Variants in RALGAPA2 observed in about 807,000 individuals in gnomAD.
RALGAPA2 encodes the protein ral GTPase-activating protein subunit alpha-2.
RALGAPA2 carries 139 observed loss-of-function variants against 230.4 expected under a neutral mutation model. That is an observed-to-expected ratio of 0.60 (90% CI 0.53 to 0.69). The LOEUF (loss-of-function observed/expected upper bound fraction) is 0.69, where lower values mean the gene tolerates loss of function less well. Ranked by LOEUF, RALGAPA2 falls within the 30% of genes least tolerant of loss-of-function variation. The probability of loss-of-function intolerance (pLI) is 0.00; values close to 1 mark genes in which losing one functional copy is unlikely to be tolerated. For missense variants in RALGAPA2, 2,163 were observed against 2,276.0 expected (o/e 0.95, Z 1.01); for synonymous variants, 847 against 837.8 (o/e 1.01, Z -0.19).
intron 1 of RALGAPA2, among the ~76,000 whole-genome samples, chr20:20,709,041 G>A (rs867092104): frequency 1.9e-4 from 29 of 151,978 alleles, no homozygotes; most frequent in African/African-American, 2.4e-4. Context: ...AAATCTGGCC[G>A]GACATGGTGG....
At chr20:20,461,090 A>G (rs2061291096) in intron 37 of RALGAPA2, among the ~76,000 whole-genome samples, 1 of 152,250 alleles carries the variant, frequency 6.6e-6, no homozygotes, top group African/African-American at 2.4e-5. Context: ...ATAGAGCATA[A>G]GTACAAAACC....
At chr20:20,552,113 C>T (rs779649993) in intron 23 of RALGAPA2, among the ~76,000 whole-genome samples, 1 of 152,164 alleles carries the variant, frequency 6.6e-6, no homozygotes, top group Non-Finnish European at 1.5e-5. Context: ...CACAAATGTT[C>T]AAGAAGTAGC....
At chr20:20,574,251 A>G (rs1252501150) in intron 20 of RALGAPA2, among the ~76,000 whole-genome samples, 1 of 152,206 alleles carries the variant, frequency 6.6e-6, no homozygotes, top group East Asian at 1.9e-4. Flanking sequence ...CAATGTGCAA[A>G]TGGGCTGTGC....
Position 20,521,051 on chromosome 20 carries a change from T to C in RALGAPA2, c.3950A>G (p.His1317Arg). The part of the protein sequence containing the change: ...CGSSTYTQQS[H>R]YILTLADLSS... ...CAAGTCAGCCAGGGTCAGTATGTAGTGACTCTGTTGGGTGTACGTGCTTGA... is the reference window on the plus strand; with the variant it reads ...CAAGTCAGCCAGGGTCAGTATGTAGCGACTCTGTTGGGTGTACGTGCTTGA... The change falls in exon 31 of 40, where the codon CAC (histidine) becomes CGC (arginine). Residue 1317 changes from histidine to arginine, a missense_variant. His to Arg is a conservative substitution (Grantham distance 29). Coordinates refer to ENST00000202677, the MANE Select transcript of RALGAPA2 (RefSeq NM_020343.4). 6.2e-7 allele frequency: 1 copy of C among 1,613,876 alleles called. No homozygotes were observed. Among genetic ancestry groups the C allele is most frequent in the Non-Finnish European group, 8.5e-7 (1 of 1,179,806 alleles).
At chr20:20,665,109 T>G (rs1282166900) in intron 3 of RALGAPA2, among the ~76,000 whole-genome samples, 2 of 152,318 alleles carry the variant, frequency 1.3e-5, no homozygotes, top group African/African-American at 2.4e-5. Flanking sequence ...AAAATCAACT[T>G]ACCAAAACTG....
At chr20:20,397,787 C>T (rs944825746) in intron 38 of RALGAPA2, among the ~76,000 whole-genome samples, 1 of 152,216 alleles carries the variant, frequency 6.6e-6, no homozygotes, top group Non-Finnish European at 1.5e-5. Context: ...ACGTGCACTG[C>T]TATGGAGACA....
chr20:20,495,004 T>A, intron 36 of RALGAPA2, 113 bp downstream of exon 36: 1 of 978,412 alleles, frequency 1.0e-6, no homozygotes, highest in Non-Finnish European at 1.5e-6. Context: ...TGTAAGACAT[T>A]CAACAACTGG....
At chr20:20,424,949 T>A (rs1222276160) in intron 37 of RALGAPA2, among the ~76,000 whole-genome samples, 1 of 152,138 alleles carries the variant, frequency 6.6e-6, no homozygotes, top group Non-Finnish European at 1.5e-5. Context: ...GAGAAAAAAA[T>A]ATTATTAAAT....
intron 36 of RALGAPA2, among the ~76,000 whole-genome samples, chr20:20,489,489 T>C (rs2123542352): frequency 6.6e-6 from 1 of 150,858 alleles, no homozygotes; most frequent in African/African-American, 2.4e-5. Flanking sequence ...TATAAAAAAA[T>C]AAGTGTACTT....
intron 37 of RALGAPA2, among the ~76,000 whole-genome samples, chr20:20,466,943 G>A (rs540512201): frequency 5.9e-5 from 9 of 152,208 alleles, no homozygotes; most frequent in Non-Finnish European, 1.3e-4. Context: ...GTGTGACTTT[G>A]CATCGTGTCA....
intron 11 of RALGAPA2, 111 bp from the exon 12 acceptor site, chr20:20,619,525 A>G (rs1303159123): frequency 5.6e-6 from 5 of 894,650 alleles, no homozygotes; most frequent in Middle Eastern, 3.9e-4. Context: ...TTTAGTTGGC[A>G]TATTTAATTC....
intron 32 of RALGAPA2, 137 bp downstream of exon 32, chr20:20,512,376 C>T (rs1222980081): frequency 1.1e-6 from 1 of 914,192 alleles, no homozygotes; most frequent in Non-Finnish European, 1.6e-6. Context: ...AAATAAGCTG[C>T]AAATGTTAAA....
intron 18 of RALGAPA2, among the ~76,000 whole-genome samples, chr20:20,586,041 T>C (rs901045366): frequency 4.6e-5 from 7 of 152,204 alleles, no homozygotes; most frequent in African/African-American, 1.4e-4. Flanking sequence ...AGAAGAATGA[T>C]ACATATCTAA....
intron 4 of RALGAPA2, among the ~76,000 whole-genome samples, chr20:20,645,702 A>C (rs2067189680): frequency 6.6e-6 from 1 of 152,226 alleles, no homozygotes; most frequent in Admixed American, 6.5e-5. Context: ...TCAGATTCAG[A>C]AGCTAGACTG....
intron 28 of RALGAPA2, among the ~76,000 whole-genome samples, chr20:20,525,764 C>T (rs754713858): frequency 3.9e-5 from 6 of 152,164 alleles, no homozygotes; most frequent in Non-Finnish European, 7.3e-5. Flanking sequence ...TTCCTTCCGC[C>T]CCTCTTTCCT....
At chr20:20,462,218 G>A (rs1391373623) in intron 37 of RALGAPA2, among the ~76,000 whole-genome samples, 1 of 152,152 alleles carries the variant, frequency 6.6e-6, no homozygotes, top group Admixed American at 6.5e-5. Context: ...TCAGGTGTAG[G>A]TTTTCTAAGG....
At chr20:20,566,094 G>A (rs1007700188) in intron 23 of RALGAPA2, among the ~76,000 whole-genome samples, 7 of 152,170 alleles carry the variant, frequency 4.6e-5, no homozygotes, top group Non-Finnish European at 1.0e-4. Context: ...TGGTGGTGCC[G>A]GAGCAGAACC....
rs777986820 is a variant in RALGAPA2 at position 20,629,488 on chromosome 20, G to A, written c.1108C>T (p.Arg370Ter). ...CAGAGGCTGGAGTTGCTGAGTCTTC[G>A]GTCCGACAAGGTGCTGCTGTTAGAA... Reference protein sequence around the residue: ...SHSNSSTLSDRRLSNSSLCSI... With the variant: ...SHSNSSTLSD Residue 370 changes from arginine to a stop codon, truncating the protein, a stop_gained, in exon 10 of 40, where the codon CGA (arginine) becomes TGA (stop). Transcript: ENST00000202677. LOFTEE classifies it high-confidence loss of function. 1.2e-5 allele frequency: 19 copies of A among 1,613,742 alleles called. No homozygotes were observed. Among genetic ancestry groups the A allele is most frequent in the African/African-American group, 6.7e-5 (5 of 74,872 alleles).
intron 23 of RALGAPA2, among the ~76,000 whole-genome samples, chr20:20,568,719 C>A (rs933012462): frequency 7.2e-5 from 11 of 152,178 alleles, no homozygotes; most frequent in African/African-American, 2.4e-4. Context: ...CTTCATGAAA[C>A]AACCAAGCCA....
Sources: gnomAD v4.1 joint callset for allele counts (sites outside exome capture counted in the v4.1 genomes callset) on GRCh38, gnomAD v4.1.1 for gene constraint, MANE v1.5 for transcripts, NCBI Gene and HGNC (gene_info 2026-07-23, HGNC 2026-07-21) for gene names.